Variants in PRKCA observed in about 807,000 individuals in gnomAD.
PRKCA encodes protein kinase C alpha type.
A neutral mutation model predicts 87.0 loss-of-function variants in PRKCA; 27 were observed. The ratio of observed to expected loss-of-function variants is 0.31; its 90% confidence interval spans 0.23 to 0.43. The LOEUF (loss-of-function observed/expected upper bound fraction) is 0.43. PRKCA is among the 20% of genes least tolerant of loss of function. The pLI is 1.00. For synonymous variants in PRKCA, 329 were observed against 311.1 expected, an observed-to-expected ratio of 1.06 and a Z score of -0.61; for missense variants, 518 against 852.3, an observed-to-expected ratio of 0.61 and a Z score of 4.88.
chr17:66,765,418 C>CTATATATATATATA (rs58356468), intron 13 of PRKCA, among the ~76,000 whole-genome samples: 39 of 49,324 alleles, frequency 7.9e-4, no homozygotes, highest in Non-Finnish European at 9.7e-4. Flanking sequence ...AAGACTTTGT[C>CTATATATATATATA]TATATATATA....
chr17:66,534,430 G>A (rs1967690847), intron 3 of PRKCA, among the ~76,000 whole-genome samples: 1 of 152,120 alleles, frequency 6.6e-6, no homozygotes, highest in East Asian at 1.9e-4. Flanking sequence ...CACTTTGGGA[G>A]GCCGAGGTGG....
intron 13 of PRKCA, among the ~76,000 whole-genome samples, chr17:66,749,319 A>G (rs1014333430): frequency 8.7e-6 from 1 of 115,348 alleles, no homozygotes; most frequent in Non-Finnish European, 1.7e-5. Flanking sequence ...CTCTAGACCC[A>G]TTGCACTAGC....
chr17:66,542,706 T>G (rs1361157576), intron 3 of PRKCA, among the ~76,000 whole-genome samples: 1 of 152,120 alleles, frequency 6.6e-6, no homozygotes, highest in Non-Finnish European at 1.5e-5. Context: ...TGGGAGCCAT[T>G]GGGGAGTCTC....
At chr17:66,777,481 C>T (rs1975084220) in intron 14 of PRKCA, 6 of 971,114 alleles carry the variant, frequency 6.2e-6, no homozygotes, top group African/African-American at 1.9e-5. Context: ...CGGGTGTAAA[C>T]ACAGAAAGGC....
intron 14 of PRKCA, among the ~76,000 whole-genome samples, chr17:66,785,537 A>G (rs1204042495): frequency 6.6e-6 from 1 of 152,134 alleles, no homozygotes; most frequent in Non-Finnish European, 1.5e-5. Flanking sequence ...ACGCAGCCAA[A>G]GGGGGAGCAT....
intron 2 of PRKCA, among the ~76,000 whole-genome samples, chr17:66,430,226 A>G (rs1913031468): frequency 1.3e-5 from 2 of 151,754 alleles, no homozygotes; most frequent in Admixed American, 6.6e-5. Context: ...GCCTTTCCCC[A>G]TTTCAAGTCC....
intron 2 of PRKCA, among the ~76,000 whole-genome samples, chr17:66,387,528 C>A (rs777339820): frequency 1.9e-3 from 294 of 152,248 alleles, no homozygotes; most frequent in African/African-American, 6.4e-3. Context: ...GTAAAAGGAG[C>A]CTTTCATCTT....
chr17:66,639,411 G>A (rs1971230515), intron 3 of PRKCA: 1 of 152,004 alleles, frequency 6.6e-6, no homozygotes. Flanking sequence ...TTTTTGAGAT[G>A]GAGGCTCGCT....
chr17:66,458,191 A>G (rs1914659856), intron 2 of PRKCA, among the ~76,000 whole-genome samples: 1 of 152,246 alleles, frequency 6.6e-6, no homozygotes, highest in Non-Finnish European at 1.5e-5. Flanking sequence ...TTATTGGAAC[A>G]TGAAAGAAAG....
intron 5 of PRKCA, among the ~76,000 whole-genome samples, chr17:66,649,299 T>C (rs2051161909): frequency 6.6e-6 from 1 of 152,184 alleles, no homozygotes; most frequent in African/African-American, 2.4e-5. Flanking sequence ...CTGCACCTTC[T>C]CCCAACCAAA....
intron 8 of PRKCA, among the ~76,000 whole-genome samples, chr17:66,726,624 A>G (rs529787418): frequency 6.6e-6 from 1 of 152,114 alleles, no homozygotes; most frequent in East Asian, 1.9e-4. Context: ...GGTGGGAAAT[A>G]AGCCGAGAGA....
intron 2 of PRKCA, among the ~76,000 whole-genome samples, chr17:66,417,364 G>T (rs922931220): frequency 6.6e-6 from 1 of 152,132 alleles, no homozygotes; most frequent in African/African-American, 2.4e-5. Context: ...GGTCCCTAAA[G>T]ATCTGGTGAA....
chr17:66,485,849 G>GT (rs1417115388), intron 2 of PRKCA, among the ~76,000 whole-genome samples: 14 of 152,094 alleles, frequency 9.2e-5, no homozygotes, highest in African/African-American at 3.4e-4. Context: ...TCAAACCCCA[G>GT]TTTAAGTAAT....
chr17:66,698,208 A>G (rs910413425), intron 8 of PRKCA, among the ~76,000 whole-genome samples: 1 of 152,208 alleles, frequency 6.6e-6, no homozygotes, highest in Non-Finnish European at 1.5e-5. Flanking sequence ...CAGCACTTCA[A>G]GGAACATGAA....
chr17:66,791,656 C>T (rs960250987), intron 16 of PRKCA, among the ~76,000 whole-genome samples: 3 of 152,228 alleles, frequency 2.0e-5, no homozygotes, highest in Non-Finnish European at 4.4e-5. Flanking sequence ...GCTGGCACCA[C>T]CGCCTTCAGC....
intron 3 of PRKCA, among the ~76,000 whole-genome samples, chr17:66,536,009 G>A (rs1967766827): frequency 6.6e-6 from 1 of 152,090 alleles, no homozygotes; most frequent in Admixed American, 6.6e-5. Flanking sequence ...CCTGACTTTG[G>A]ATAGCTATTG....
intron 2 of PRKCA, among the ~76,000 whole-genome samples, chr17:66,481,503 C>T (rs1466129596): frequency 1.3e-5 from 2 of 152,110 alleles, no homozygotes; most frequent in African/African-American, 4.8e-5. Flanking sequence ...CTTCCTGAAA[C>T]GTTTCCCCCT....
intron 2 of PRKCA, among the ~76,000 whole-genome samples, chr17:66,479,371 T>C (rs962535074): frequency 1.3e-5 from 2 of 152,190 alleles, no homozygotes; most frequent in African/African-American, 4.8e-5. Flanking sequence ...CTGGTGAGGT[T>C]GTGGAGAAAA....
At chr17:66,339,470 G>T (rs1220856335) in intron 2 of PRKCA, among the ~76,000 whole-genome samples, 1 of 151,960 alleles carries the variant, frequency 6.6e-6, no homozygotes, top group Admixed American at 6.6e-5. Context: ...AGCTAACTTA[G>T]GTTTAATTTT....
Sources: gnomAD v4.1 joint callset for allele counts (sites outside exome capture counted in the v4.1 genomes callset) on GRCh38, gnomAD v4.1.1 for gene constraint, MANE v1.5 for transcripts, NCBI Gene and HGNC (gene_info 2026-07-23, HGNC 2026-07-21) for gene names.